Variants in RAB22A observed in about 807,000 individuals in gnomAD.
RAB22A encodes RAB22A, member RAS oncogene family.
Under a neutral mutation model 30.2 loss-of-function variants are expected in RAB22A, and 13 were observed. The observed-to-expected ratio is 0.43, with a 90% CI of 0.28 to 0.68. The LOEUF (loss-of-function observed/expected upper bound fraction) is 0.68. Among genes scored for constraint, RAB22A ranks in the 30% least tolerant of loss-of-function variants. RAB22A has a pLI of 0.18. For synonymous variants in RAB22A, 89 were observed against 87.2 expected (o/e 1.02, Z -0.11); for missense variants, 177 against 246.8 (o/e 0.72, Z 1.89).
intron 3 of RAB22A, among the ~76,000 whole-genome samples, chr20:58,352,172 A>G (rs1987061897): frequency 6.6e-6 from 1 of 152,214 alleles, no homozygotes; most frequent in Non-Finnish European, 1.5e-5. Context: ...ATCAAATTAA[A>G]ATTTAATTTG....
intron 2 of RAB22A, among the ~76,000 whole-genome samples, chr20:58,337,606 C>T (rs1471549416): frequency 3.3e-5 from 5 of 152,306 alleles, no homozygotes; most frequent in Non-Finnish European, 5.9e-5. Flanking sequence ...GTGTAAGCCA[C>T]TTGAGGGCTG....
intron 3 of RAB22A, 84 bp from the exon 4 acceptor site, chr20:58,353,189 C>T: frequency 8.3e-7 from 1 of 1,212,052 alleles, no homozygotes; most frequent in Non-Finnish European, 1.2e-6. Context: ...ACTTTTTGTG[C>T]AGGGATAATG....
intron 2 of RAB22A, among the ~76,000 whole-genome samples, chr20:58,335,609 AAGG>A (rs1351464098): frequency 6.6e-6 from 1 of 152,222 alleles, no homozygotes; most frequent in African/African-American, 2.4e-5. Context: ...GTATTTCTGA[AAGG>A]AGGTCTAAGA....
chr20:58,317,651 C>T (rs1187080854), intron 2 of RAB22A, among the ~76,000 whole-genome samples: 16 of 150,414 alleles, frequency 1.1e-4, no homozygotes, highest in Non-Finnish European at 1.6e-4. Context: ...CTCCGCCTCC[C>T]GGGTTCATGC....
At chr20:58,352,944 A>G (rs1302222735) in intron 3 of RAB22A, among the ~76,000 whole-genome samples, 1 of 152,200 alleles carries the variant, frequency 6.6e-6, no homozygotes, top group African/African-American at 2.4e-5. Context: ...AGGGAAGCCA[A>G]AGTTTAAAGG....
At chr20:58,354,063 T>G (rs1987095659) in intron 5 of RAB22A, 93 bp from the exon 6 acceptor site, 1 of 807,282 alleles carries the variant, frequency 1.2e-6, no homozygotes, top group South Asian at 1.7e-5. Flanking sequence ...GTCCATCCTT[T>G]GTCATCATAA....
At chr20:58,344,120 T>C (rs1371764465) in intron 3 of RAB22A, among the ~76,000 whole-genome samples, 2 of 152,336 alleles carry the variant, frequency 1.3e-5, no homozygotes, top group African/African-American at 2.4e-5. Flanking sequence ...AGTAAAGATA[T>C]ATAAAGCAAT....
rs958197332 is a variant in RAB22A, at chr20:58,366,504, G to C, written c.*6801G>C. The C allele has an allele frequency of 6.6e-6, 1 of 152,136 alleles. No homozygotes were observed. Among genetic ancestry groups the C allele is most frequent in the Non-Finnish European group, 1.5e-5 (1 of 68,030 alleles). The allele number at this position is 152,136 out of a possible 1,614,324, so 9.4% of individuals were successfully genotyped here. On this transcript the variant is annotated 3_prime_UTR_variant, in exon 7 of 7. Coordinates refer to ENST00000244040, the MANE Select transcript of RAB22A (RefSeq NM_020673.3). The stretch of plus-strand genomic sequence containing the variant: ...CCCAACACAAAGAAAAGATAAGCGA[G>C]GTGAAGGAAATCCCAGTTACCCTCA...
intron 2 of RAB22A, among the ~76,000 whole-genome samples, chr20:58,340,957 G>A (rs1428862470): frequency 6.6e-6 from 1 of 152,058 alleles, no homozygotes; most frequent in Non-Finnish European, 1.5e-5. Flanking sequence ...GAAAAGATTT[G>A]AGACTTGAGA....
At chr20:58,354,096 T>TG in intron 5 of RAB22A, 60 bp from the exon 6 acceptor site, 3 of 1,220,970 alleles carry the variant, frequency 2.5e-6, no homozygotes, top group Non-Finnish European at 3.6e-6. Flanking sequence ...ACTGGGTAGG[T>TG]GGGGGTACAA....
chr20:58,327,703 A>G (rs8123770), intron 2 of RAB22A, among the ~76,000 whole-genome samples: 7,039 of 152,304 alleles, frequency 0.046, 220 homozygotes, highest in African/African-American at 0.086. Flanking sequence ...GTATCCAAAA[A>G]AAAGAGTGAA....
At chr20:58,347,208 A>T (rs1986964796) in intron 3 of RAB22A, among the ~76,000 whole-genome samples, 1 of 152,148 alleles carries the variant, frequency 6.6e-6, no homozygotes, top group Non-Finnish European at 1.5e-5. Flanking sequence ...TCCCCATTTG[A>T]CATCTTGTAC....
At position 58,311,124 on chromosome 20, in the gene RAB22A, TA is replaced by T; in HGVS notation, c.116+4del. Reference sequence around the variant, plus strand: ...TCCAAACATCAACCCAACAATAGGGTAAGAGACTTTTATTTGATACACATCT... The same window carrying T: ...TCCAAACATCAACCCAACAATAGGGTAGAGACTTTTATTTGATACACATCT... On this transcript the variant is annotated splice_donor_region_variant and intron_variant, in intron 2 of 6. Coordinates refer to ENST00000244040, the MANE Select transcript of RAB22A (RefSeq NM_020673.3). 1 of 1,572,536 alleles carries T rather than the reference TA, an allele frequency of 6.4e-7. No individual in the cohort carries two copies. The highest frequency in any genetic ancestry group is 8.8e-7 in the Non-Finnish European group (1 of 1,142,136).
At chr20:58,356,829 T>C (rs1348443733) in intron 6 of RAB22A, among the ~76,000 whole-genome samples, 1 of 152,216 alleles carries the variant, frequency 6.6e-6, no homozygotes, top group Non-Finnish European at 1.5e-5. Flanking sequence ...CTCTCATGGC[T>C]GGTTTGTGCG....
intron 2 of RAB22A, among the ~76,000 whole-genome samples, chr20:58,335,795 C>T (rs939889346): frequency 6.6e-6 from 1 of 152,188 alleles, no homozygotes; most frequent in Non-Finnish European, 1.5e-5. Flanking sequence ...TGAAATAGTT[C>T]ATCACACACA....
In RAB22A at chr20:58,366,244, G is replaced by C. The variant is rs111656511; in HGVS notation, c.*6541G>C. 2.0e-5 allele frequency: 3 copies of C among 152,036 alleles called. No individual in the cohort carries two copies. The highest frequency in any genetic ancestry group is 2.0e-4 in the Admixed American group (3 of 15,266). 9.4% of individuals were successfully genotyped at this position (152,036 alleles called of 1,614,324 possible). ...GCATATGTAATCTGCCTTCCCCTGC[G>C]GCCTTCCGTGGTCACAGCAACAGGG... On this transcript the variant is annotated 3_prime_UTR_variant, in exon 7 of 7. Transcript: ENST00000244040.
intron 2 of RAB22A, among the ~76,000 whole-genome samples, chr20:58,325,217 A>T (rs1377290098): frequency 2.0e-5 from 3 of 148,310 alleles, no homozygotes; most frequent in African/African-American, 7.6e-5. Flanking sequence ...AGTGGCTCAC[A>T]CCTGTAATCC....
chr20:58,330,339 A>C (rs572896262), intron 2 of RAB22A, among the ~76,000 whole-genome samples: 22 of 152,108 alleles, frequency 1.4e-4, no homozygotes, highest in Admixed American at 3.9e-4. Flanking sequence ...CCATCTGCTC[A>C]CTCAATATGA....
Position 58,353,471 on chromosome 20 carries a change from C to T in RAB22A, c.310C>T (p.Arg104Ter). The change falls in exon 5 of 7, where the codon CGA becomes TGA. Residue 104 changes from arginine to a stop codon, truncating the protein, a stop_gained. Coordinates refer to ENST00000244040, the MANE Select transcript of RAB22A (RefSeq NM_020673.3). LOFTEE classifies it high-confidence loss of function. ...ATTAAAGAATTGGGTGAAAGAGCTTCGACAGCATGGCCCACCTAATATTGT... is the reference window on the plus strand; with the variant it reads ...ATTAAAGAATTGGGTGAAAGAGCTTTGACAGCATGGCCCACCTAATATTGT... ...STLKNWVKEL[R>*]QHGPPNIVVA... is the part of the protein sequence containing the mutation. The T allele has an allele frequency of 1.2e-6, 2 of 1,613,502 alleles. No individual in the cohort carries two copies. The highest frequency in any genetic ancestry group is 8.5e-7 in the Non-Finnish European group (1 of 1,179,500).
Sources: allele counts gnomAD v4.1 joint callset (sites outside exome capture counted in the v4.1 genomes callset), GRCh38; gene constraint gnomAD v4.1.1; transcripts MANE v1.5; gene names NCBI Gene and HGNC (gene_info 2026-07-23, HGNC 2026-07-21).